Variants in EVC2 observed in about 807,000 individuals in gnomAD.
The protein encoded by EVC2 is limbin.
In EVC2, 148 loss-of-function variants were observed where a neutral mutation model predicts 149.3. That is an observed-to-expected ratio of 0.99 (90% confidence interval 0.87 to 1.14). The LOEUF (loss-of-function observed/expected upper bound fraction) is 1.14. Among genes scored for constraint, EVC2 ranks in the 50% most tolerant of loss-of-function variants. EVC2 has a pLI of 0.00. For missense variants in EVC2, 1,854 were observed against 1,627.3 expected (o/e 1.14, Z -2.40); for synonymous variants, 776 against 649.9 (o/e 1.19, Z -2.95).
Position 5,708,501 on chromosome 4 carries a change from C to T in EVC2, c.13G>A (p.Gly5Ser), listed in dbSNP as rs1722368759. MDPS[G>S]SRGRPTWVLA... ...ACCCACGTGGGGCGCCCCCGGGAGC[C>T]CGAGGGGTCCATCGCCTGTCGGGAC... The change falls in exon 1 of 22, where the codon GGC becomes AGC. Residue 5 changes from glycine (G) to serine (S), a missense_variant. Coordinates refer to ENST00000344408, the MANE Select transcript of EVC2 (RefSeq NM_147127.5). The T allele has an allele frequency of 6.8e-7, 1 of 1,477,248 alleles. No homozygotes were observed. Among genetic ancestry groups the T allele is most frequent in the Non-Finnish European group, 8.9e-7 (1 of 1,121,910 alleles). 91.5% of individuals were successfully genotyped at this position (1,477,248 alleles called of 1,614,324 possible). A position where few individuals can be genotyped will look rare whatever the true frequency, so the allele number is the denominator to read the frequency against.
At chr4:5,695,263 G>A (rs755586383) in intron 2 of EVC2, among the ~76,000 whole-genome samples, 7 of 151,616 alleles carry the variant, frequency 4.6e-5, no homozygotes, top group East Asian at 3.9e-4. Context: ...CAGGGGAATC[G>A]CTTGAACCTG....
chr4:5,636,841 CAT>C lies in EVC2; in HGVS notation c.1470+3671_1470+3672del, dbSNP rs1260288418. On this transcript the variant is annotated intron_variant, in intron 10 of 21. Coordinates refer to ENST00000344408, the MANE Select transcript of EVC2 (RefSeq NM_147127.5). The surrounding 1 kb of genome is among the most constrained non-coding windows in gnomAD (Gnocchi z 4.6). ...ATTTTATTTAAAGATGACTATAACA[CAT>C]GATGGATAATTATAAAGCAGTCTGT... is the stretch of plus-strand genomic sequence containing the variant. 2.0e-5 allele frequency among the ~76,000 whole-genome samples: 3 copies of C among 152,170 alleles called. No homozygotes were observed. The highest frequency in any genetic ancestry group is 7.2e-5 in the African/African-American group (3 of 41,438).
chr4:5,640,167 G>A lies in EVC2; in HGVS notation c.1470+347C>T, dbSNP rs1235118929. 6.6e-6 allele frequency among the ~76,000 whole-genome samples: 1 copy of A among 152,058 alleles called. No individual in the cohort carries two copies. The highest frequency in any genetic ancestry group is 1.5e-5 in the Non-Finnish European group (1 of 68,000). On this transcript the variant is annotated intron_variant, in intron 10 of 21. Transcript: ENST00000344408. This position sits in a 1 kb window ranked among gnomAD's most constrained non-coding sequence, Gnocchi z 4.6. Reference sequence around the variant, plus strand: ...GATGGGTGATGGGTGGCATGGATGGGAGGGTGGATAAATGAGTAGGTGGAT... The same window carrying A: ...GATGGGTGATGGGTGGCATGGATGGAAGGGTGGATAAATGAGTAGGTGGAT...
Position 5,563,098 on chromosome 4 carries a change from C to T in EVC2, c.3677G>A (p.Cys1226Tyr). ...KRKQSILKKTCLPLRERMIFS... is the reference protein window; with the variant it reads ...KRKQSILKKTYLPLRERMIFS... ...TATCATCCTCTCTCTGAGAGGGAGA[C>T]ATGTCTTCTTTAATATGCTAAAGAA... The change falls in exon 22 of 22, where the codon TGT becomes TAT. Residue 1226 changes from cysteine (C) to tyrosine (Y), a missense_variant. Physicochemically the swap from Cys to Tyr is radical, Grantham distance 194. Coordinates refer to ENST00000344408, the MANE Select transcript of EVC2 (RefSeq NM_147127.5). The T allele has an allele frequency of 6.2e-7, 1 of 1,613,908 alleles. No individual in the cohort carries two copies. The highest frequency in any genetic ancestry group is 8.5e-7 in the Non-Finnish European group (1 of 1,179,978).
intron 12 of EVC2, among the ~76,000 whole-genome samples, chr4:5,628,294 T>G (rs1716265792): frequency 5.9e-5 from 9 of 152,064 alleles, no homozygotes; most frequent in Admixed American, 5.9e-4. Flanking sequence ...CCCTCATGAA[T>G]GGATTAATGC....
At chr4:5,535,582 T>C in the EVC2 span, among the ~76,000 whole-genome samples, 1 of 131,656 alleles carries the variant, frequency 7.6e-6, no homozygotes, top group Non-Finnish European at 1.6e-5. This position sits in a 1 kb window ranked among gnomAD's most constrained non-coding sequence, Gnocchi z 4.7. Context: ...GCATGGTCCT[T>C]GGTGTGTGCA....
In EVC2 at chr4:5,622,926, G is replaced by A; in HGVS notation, c.2112C>T (p.Gly704=). 6.2e-7 allele frequency: 1 copy of A among 1,614,164 alleles called. No individual in the cohort carries two copies. Among genetic ancestry groups the A allele is most frequent in the Middle Eastern group, 1.6e-4 (1 of 6,062 alleles). The change falls in exon 14 of 22, where the codon GGC becomes GGT. Residue 704 remains glycine (G), a synonymous_variant. Transcript: ENST00000344408. The surrounding 1 kb of genome is among the most constrained non-coding windows in gnomAD (Gnocchi z 5.8). ...GEAFRTVEDA[G]QYLHQKRSLM... ...GGCTCCTCTTCTGGTGCAGGTACTG[G>A]CCGGCATCCTCAACCGTTCGGAAGG...
chr4:5,691,264 C>G lies in EVC2; in HGVS notation c.519+1G>C. 6.2e-7 allele frequency: 1 copy of G among 1,612,968 alleles called. No homozygotes were observed. On this transcript the variant is annotated splice_donor_variant, in intron 4 of 21. Transcript: ENST00000344408. LOFTEE classifies it high-confidence loss of function. ...AATATACACCACCAGTGGAAACTTA[C>G]CAGTGCACATTTCTGAAAAATTACT...
chr4:5,635,062 A>T (rs549240461), intron 10 of EVC2, among the ~76,000 whole-genome samples: 1 of 121,792 alleles, frequency 8.2e-6, no homozygotes, highest in Admixed American at 1.0e-4. Flanking sequence ...TTTGAGACAG[A>T]GTCTCACTCT....
intron 7 of EVC2, among the ~76,000 whole-genome samples, chr4:5,666,081 T>C (rs1719262359): frequency 6.6e-6 from 1 of 152,072 alleles, no homozygotes; most frequent in Admixed American, 6.5e-5. Context: ...TCTATTAACT[T>C]TAGATTAAAT....
At chr4:5,695,099 T>C (rs1022983141) in intron 2 of EVC2, among the ~76,000 whole-genome samples, 3 of 151,910 alleles carry the variant, frequency 2.0e-5, no homozygotes, top group Non-Finnish European at 2.9e-5. Flanking sequence ...CCTGTAATCC[T>C]AGCACTTTGG....
intron 1 of EVC2, among the ~76,000 whole-genome samples, chr4:5,702,866 T>C (rs1721911299): frequency 6.6e-6 from 1 of 152,208 alleles, no homozygotes; most frequent in African/African-American, 2.4e-5. Flanking sequence ...TTTCCTCATC[T>C]GTAAAATGGG....
chr4:5,707,037 A>G (rs1722247502), intron 1 of EVC2, among the ~76,000 whole-genome samples: 1 of 152,176 alleles, frequency 6.6e-6, no homozygotes, highest in Non-Finnish European at 1.5e-5. Flanking sequence ...GCTTCCCAGA[A>G]GGAAGAGCTT....
chr4:5,684,800 T>C (rs1370996769), intron 6 of EVC2, among the ~76,000 whole-genome samples: 1 of 152,106 alleles, frequency 6.6e-6, no homozygotes, highest in African/African-American at 2.4e-5. Flanking sequence ...TAAAGTGAGG[T>C]TGCTAGGCTG....
intron 16 of EVC2, among the ~76,000 whole-genome samples, chr4:5,591,636 T>C (rs1393133308): frequency 1.3e-5 from 2 of 152,180 alleles, no homozygotes; most frequent in Non-Finnish European, 2.9e-5. Flanking sequence ...ATGAACAACA[T>C]GGACAGTGAA....
chr4:5,536,692 G>A, the EVC2 span, among the ~76,000 whole-genome samples: 3 of 151,910 alleles, frequency 2.0e-5, no homozygotes, highest in African/African-American at 7.3e-5. Context: ...GCTGAGGCAG[G>A]AGAATGGCGT....
Position 5,625,031 on chromosome 4 carries a change from C to T in EVC2, c.2046+718G>A, listed in dbSNP as rs1184793769. ...AGAGCCTCCCATGGGGTTTGTATTCCCAGGTTCCTCAACTCCATCTGACAT... is the reference window on the plus strand; with the variant it reads ...AGAGCCTCCCATGGGGTTTGTATTCTCAGGTTCCTCAACTCCATCTGACAT... On this transcript the variant is annotated intron_variant, in intron 13 of 21. Coordinates refer to ENST00000344408, the MANE Select transcript of EVC2 (RefSeq NM_147127.5). This position sits in a 1 kb window ranked among gnomAD's most constrained non-coding sequence, Gnocchi z 4.0. 1.3e-5 allele frequency among the ~76,000 whole-genome samples: 2 copies of T among 152,010 alleles called. No homozygotes were observed. The highest frequency in any genetic ancestry group is 6.6e-5 in the Admixed American group (1 of 15,262).
chr4:5,569,630 G>C lies in EVC2; in HGVS notation c.3361-990C>G, dbSNP rs910667622. ...CATGAGAAGGAGCAGTGTCCAGCCA[G>C]GGGCCTGTGCAGGGGCAGGCAGGGG... is the stretch of plus-strand genomic sequence containing the variant. On this transcript the variant is annotated intron_variant, in intron 19 of 21. Transcript: ENST00000344408. This position sits in a 1 kb window ranked among gnomAD's most constrained non-coding sequence, Gnocchi z 4.8. Among the ~76,000 whole-genome samples, 4 of 152,096 alleles carry C rather than the reference G, an allele frequency of 2.6e-5. No individual in the cohort carries two copies. Among genetic ancestry groups the C allele is most frequent in the African/African-American group, 7.2e-5 (3 of 41,434 alleles).
chr4:5,693,810 A>G (rs567641281), intron 3 of EVC2, among the ~76,000 whole-genome samples: 2 of 152,250 alleles, frequency 1.3e-5, no homozygotes, highest in Non-Finnish European at 2.9e-5. Context: ...AACAACAGCA[A>G]GAGCACGGAG....
Sources: gnomAD v4.1 joint callset for allele counts (sites outside exome capture counted in the v4.1 genomes callset) on GRCh38, gnomAD v4.1.1 for gene constraint, Gnocchi (gnomAD v3.1) non-coding constraint, MANE v1.5 for transcripts, NCBI Gene and HGNC (gene_info 2026-07-23, HGNC 2026-07-21) for gene names.